ETV6: variants seen among roughly 807,000 people sequenced by gnomAD.
The protein encoded by ETV6 is transcription factor ETV6.
In ETV6, 16 loss-of-function variants were observed where a neutral mutation model predicts 51.1. The observed-to-expected ratio is 0.31, with a 90% confidence interval of 0.21 to 0.48. The LOEUF (loss-of-function observed/expected upper bound fraction) is 0.48, where lower values mean the gene tolerates loss of function less well. Among genes scored for constraint, ETV6 ranks in the 20% least tolerant of loss-of-function variants. The probability of loss-of-function intolerance (pLI) is 0.99; values close to 1 mark genes in which losing one functional copy is unlikely to be tolerated. For synonymous variants in ETV6, 240 were observed against 224.1 expected (o/e 1.07, Z -0.64); for missense variants, 458 against 594.8 (o/e 0.77, Z 2.39).
intron 1 of ETV6, among the ~76,000 whole-genome samples, chr12:11,716,202 G>T (rs1328945834): frequency 6.6e-6 from 1 of 151,734 alleles, no homozygotes; most frequent in African/African-American, 2.4e-5. Context: ...ATGGTGGTGG[G>T]CGCCTGTAGT....
intron 1 of ETV6, among the ~76,000 whole-genome samples, chr12:11,709,070 G>A (rs1209916021): frequency 1.3e-5 from 2 of 151,998 alleles, no homozygotes; most frequent in Admixed American, 6.6e-5. Context: ...AGCTTGATTC[G>A]TTCCCCACCC....
At chr12:11,886,767 G>A (rs1947193407) in intron 7 of ETV6, among the ~76,000 whole-genome samples, 1 of 152,130 alleles carries the variant, frequency 6.6e-6, no homozygotes, top group Admixed American at 6.5e-5. Flanking sequence ...AGAACTGGAA[G>A]AAGAAGGAGG....
intron 2 of ETV6, among the ~76,000 whole-genome samples, chr12:11,755,131 T>A (rs1364062587): frequency 6.6e-6 from 1 of 152,238 alleles, no homozygotes; most frequent in Non-Finnish European, 1.5e-5. Flanking sequence ...ACTTAGCCAG[T>A]GTTCACTGGT....
At chr12:11,746,433 G>T (rs913867313) in intron 1 of ETV6, among the ~76,000 whole-genome samples, 4 of 152,138 alleles carry the variant, frequency 2.6e-5, no homozygotes, top group African/African-American at 9.7e-5. Context: ...TAAAATAAAG[G>T]CTTCATGGGA....
At chr12:11,851,856 G>A (rs929279154) in intron 3 of ETV6, among the ~76,000 whole-genome samples, 1 of 152,134 alleles carries the variant, frequency 6.6e-6, no homozygotes, top group Non-Finnish European at 1.5e-5. Flanking sequence ...AGTGATAGAG[G>A]AGCAGGAGTT....
intron 2 of ETV6, among the ~76,000 whole-genome samples, chr12:11,815,632 A>C (rs1945980896): frequency 6.6e-6 from 1 of 152,226 alleles, no homozygotes; most frequent in Non-Finnish European, 1.5e-5. Context: ...GTGAAGGCCA[A>C]ATGAGATGAT....
chr12:11,703,591 A>C (rs1865022757), intron 1 of ETV6, among the ~76,000 whole-genome samples: 1 of 152,188 alleles, frequency 6.6e-6, no homozygotes, highest in South Asian at 2.1e-4. Context: ...TCCATTGTGC[A>C]GTTAACTACT....
Position 11,869,893 on chromosome 12 carries a change from C to T in ETV6, c.933C>T (p.Asp311=), listed in dbSNP as rs1191722092. 1 of 1,612,730 alleles carries T rather than the reference C, an allele frequency of 6.2e-7. No homozygotes were observed. Among genetic ancestry groups the T allele is most frequent in the South Asian group, 1.1e-5 (1 of 91,082 alleles). The part of the protein sequence containing the change: ...GKPINLSHRE[D]LAYMNHIMVS... ...CCATCAACCTCTCTCATCGGGAAGA[C>T]CTGGCTTACATGAACCACATCATGG... Residue 311 remains aspartate, a synonymous_variant, in exon 5 of 8, where the codon GAC becomes GAT. Coordinates refer to ENST00000396373, the MANE Select transcript of ETV6 (RefSeq NM_001987.5). The surrounding 1 kb of genome is among the most constrained non-coding windows in gnomAD (Gnocchi z 5.0).
Position 11,893,455 on chromosome 12 carries a change from T to A in ETV6, c.*2409T>A, listed in dbSNP as rs1421062728. ...CCAGGAGAATATGTTAGACTTAGGA[T>A]GATACCTTCAGCCACTTGAAGAAGA... is the stretch of plus-strand genomic sequence containing the variant. On this transcript the variant is annotated 3_prime_UTR_variant, in exon 8 of 8. Coordinates refer to ENST00000396373, the MANE Select transcript of ETV6 (RefSeq NM_001987.5). 4.3e-6 allele frequency: 1 copy of A among 231,742 alleles called. No individual in the cohort carries two copies. Among genetic ancestry groups the A allele is most frequent in the African/African-American group, 2.2e-5 (1 of 45,280 alleles). The allele number at this position is 231,742 out of a possible 1,614,324, so 14.4% of individuals were successfully genotyped here.
At chr12:11,810,713 A>G (rs1472103557) in intron 2 of ETV6, among the ~76,000 whole-genome samples, 3 of 152,226 alleles carry the variant, frequency 2.0e-5, no homozygotes, top group Admixed American at 1.3e-4. Context: ...GATTGGGTCC[A>G]TCTTTAATAA....
chr12:11,704,926 T>G (rs1409459515), intron 1 of ETV6, among the ~76,000 whole-genome samples: 1 of 152,144 alleles, frequency 6.6e-6, no homozygotes, highest in Non-Finnish European at 1.5e-5. Flanking sequence ...TTATGATAAG[T>G]GACATAAGCC....
At chr12:11,841,890 G>A (rs1343911322) in intron 3 of ETV6, among the ~76,000 whole-genome samples, 4 of 151,938 alleles carry the variant, frequency 2.6e-5, no homozygotes, top group South Asian at 4.1e-4. Flanking sequence ...AGACCATCCC[G>A]GCTAAAACGG....
intron 1 of ETV6, among the ~76,000 whole-genome samples, chr12:11,725,083 C>T (rs548941079): frequency 4.6e-5 from 7 of 152,162 alleles, no homozygotes; most frequent in East Asian, 3.9e-4. Flanking sequence ...CCTTGGGTCG[C>T]GGCACATCTG....
At chr12:11,729,741 A>G (rs971654078) in intron 1 of ETV6, among the ~76,000 whole-genome samples, 1 of 152,156 alleles carries the variant, frequency 6.6e-6, no homozygotes, top group Admixed American at 6.5e-5. Context: ...GGGCATTACT[A>G]TTTTATTGAT....
chr12:11,788,673 C>G (rs1018084073), intron 2 of ETV6, among the ~76,000 whole-genome samples: 7 of 152,038 alleles, frequency 4.6e-5, no homozygotes, highest in African/African-American at 1.7e-4. Flanking sequence ...ATTTCCTGCT[C>G]ACCAGGGCAA....
intron 1 of ETV6, among the ~76,000 whole-genome samples, chr12:11,693,253 G>A (rs886419244): frequency 5.9e-5 from 9 of 152,122 alleles, no homozygotes; most frequent in African/African-American, 1.9e-4. Flanking sequence ...TGCCACGCAG[G>A]CCGTGGCAAG....
chr12:11,840,408 G>A lies in ETV6; in HGVS notation c.328+1104G>A, dbSNP rs754059364. On this transcript the variant is annotated intron_variant, in intron 3 of 7. Transcript: ENST00000396373. ...GTGGTCTCAGGTTTATGCCTCTTGC[G>A]GGATTAATTACTGAAGTACTCAAGG... is the stretch of plus-strand genomic sequence containing the variant. 112 of 455,898 alleles carry A rather than the reference G, an allele frequency of 2.5e-4. 1 individual carries two copies. Among genetic ancestry groups the A allele is most frequent in the Admixed American group, 1.6e-4 (7 of 42,544 alleles). 28.2% of individuals were successfully genotyped at this position (455,898 alleles called of 1,614,324 possible).
At chr12:11,717,774 AG>A (rs1865304266) in intron 1 of ETV6, among the ~76,000 whole-genome samples, 1 of 152,218 alleles carries the variant, frequency 6.6e-6, no homozygotes, top group Non-Finnish European at 1.5e-5. Flanking sequence ...ATGATCATCG[AG>A]AACTTTGTAC....
chr12:11,690,452 G>A (rs985985046), intron 1 of ETV6, among the ~76,000 whole-genome samples: 3 of 151,972 alleles, frequency 2.0e-5, no homozygotes, highest in African/African-American at 7.3e-5. Context: ...TATGCTGGTT[G>A]TGATGGCACA....
Sources: gnomAD v4.1 joint callset for allele counts (sites outside exome capture counted in the v4.1 genomes callset) on GRCh38, gnomAD v4.1.1 for gene constraint, Gnocchi (gnomAD v3.1) non-coding constraint, MANE v1.5 for transcripts, NCBI Gene and HGNC (gene_info 2026-07-23, HGNC 2026-07-21) for gene names.